Variants in FGD5 observed in about 807,000 individuals in gnomAD.
The protein encoded by FGD5 is FYVE, RhoGEF and PH domain-containing protein 5.
Under a neutral mutation model 133.4 loss-of-function variants are expected in FGD5, and 28 were observed. That is an observed-to-expected ratio of 0.21 (90% CI 0.16 to 0.29). FGD5 has a LOEUF of 0.29. Ranked by LOEUF, FGD5 falls within the 10% of genes least tolerant of loss-of-function variation. The probability of loss-of-function intolerance (pLI) is 1.00; values close to 1 mark genes in which losing one functional copy is unlikely to be tolerated. For synonymous variants in FGD5, 810 were observed against 776.5 expected, an observed-to-expected ratio of 1.04 and a Z score of -0.72; for missense variants, 1,858 against 1,895.2, an observed-to-expected ratio of 0.98 and a Z score of 0.36.
intron 13 of FGD5, among the ~76,000 whole-genome samples, chr3:14,919,831 C>G (rs1421152549): frequency 6.6e-5 from 10 of 152,086 alleles, no homozygotes; most frequent in Admixed American, 5.9e-4. Flanking sequence ...TCTCTGGGGC[C>G]TCTTGTATAA....
chr3:14,922,313 C>A lies in FGD5; in HGVS notation c.3670-98C>A. The A allele has an allele frequency of 6.7e-7, 1 of 1,488,230 alleles. No homozygotes were observed. The allele number at this position is 1,488,230 out of a possible 1,614,324, so 92.2% of individuals were successfully genotyped here. A position where few individuals can be genotyped will look rare whatever the true frequency, so the allele number is the denominator to read the frequency against. On this transcript the variant is annotated intron_variant, in intron 14 of 19. Transcript: ENST00000285046. The surrounding 1 kb of genome is among the most constrained non-coding windows in gnomAD (Gnocchi z 4.1). ...CAGACCCACTCACCCACACATCACA[C>A]ACCCTGCACAGAGACGCAGGGCAGG...
chr3:14,871,733 G>A (rs572188886), intron 2 of FGD5, among the ~76,000 whole-genome samples: 1 of 152,196 alleles, frequency 6.6e-6, no homozygotes, highest in Non-Finnish European at 1.5e-5. Context: ...AAAGGGCTGG[G>A]CAGGTTAGGA....
intron 2 of FGD5, among the ~76,000 whole-genome samples, chr3:14,866,531 CCT>C (rs2037496729): frequency 6.6e-6 from 1 of 152,086 alleles, no homozygotes; most frequent in Admixed American, 6.5e-5. Flanking sequence ...CAGCTTTGTC[CCT>C]TGCTGGCTGA....
chr3:14,839,817 C>T (rs1575199935), intron 1 of FGD5, among the ~76,000 whole-genome samples: 1 of 152,190 alleles, frequency 6.6e-6, no homozygotes, highest in East Asian at 1.9e-4. Flanking sequence ...CCTGTAGTCC[C>T]AGCTACTCAG....
chr3:14,851,888 T>C (rs2037171431), intron 1 of FGD5, among the ~76,000 whole-genome samples: 1 of 150,238 alleles, frequency 6.7e-6, no homozygotes, highest in African/African-American at 2.5e-5. Flanking sequence ...TGAAAATCCT[T>C]ATAAAGCCAC....
intron 16 of FGD5, 129 bp from the exon 17 acceptor site, chr3:14,923,879 T>C: frequency 8.4e-7 from 1 of 1,187,796 alleles, no homozygotes; most frequent in South Asian, 1.5e-5. Context: ...GGAAGAGTGC[T>C]TGACTTTCAG....
At chr3:14,931,642 C>T (rs1212638476) in intron 18 of FGD5, 1 of 152,142 alleles carries the variant, frequency 6.6e-6, no homozygotes, top group Non-Finnish European at 1.5e-5. Flanking sequence ...AATGTCTTTA[C>T]CTATATATAA....
chr3:14,909,325 A>T (rs893009726), intron 10 of FGD5, among the ~76,000 whole-genome samples: 1 of 152,214 alleles, frequency 6.6e-6, no homozygotes, highest in African/African-American at 2.4e-5. Context: ...CACTTTATAC[A>T]ATAAAATAGG....
intron 4 of FGD5, among the ~76,000 whole-genome samples, chr3:14,884,612 A>G (rs1042905382): frequency 6.6e-6 from 1 of 152,202 alleles, no homozygotes; most frequent in Admixed American, 6.5e-5. Context: ...TAAGACAACC[A>G]TGCTGTTATG....
At chr3:14,813,510 GGT>G (rs2036325254) in intron 1 of FGD5, among the ~76,000 whole-genome samples, 2 of 152,226 alleles carry the variant, frequency 1.3e-5, no homozygotes, top group Admixed American at 1.3e-4. Flanking sequence ...TGTAACATAT[GGT>G]TATGAGAGTT....
At chr3:14,907,570 C>A in intron 9 of FGD5, 70 bp from the exon 10 acceptor site, 1 of 1,402,916 alleles carries the variant, frequency 7.1e-7, no homozygotes. Context: ...CAACGCCATG[C>A]CTTACAGAGG....
intron 4 of FGD5, 120 bp downstream of exon 4, chr3:14,880,892 C>A: frequency 7.7e-7 from 1 of 1,300,390 alleles, no homozygotes; most frequent in Non-Finnish European, 1.1e-6. Flanking sequence ...TGGCAGCAGG[C>A]AGGCACTCAC....
chr3:14,864,006 T>G (rs172429), intron 1 of FGD5, 122 bp from the exon 2 acceptor site: 1,122,864 of 1,406,514 alleles, frequency 0.8, 450,057 homozygotes, highest in East Asian at 0.99. Flanking sequence ...GAAGTAGGAA[T>G]TTTGTGCCTG....
chr3:14,835,374 C>T (rs1044086264), intron 1 of FGD5, among the ~76,000 whole-genome samples: 23 of 152,060 alleles, frequency 1.5e-4, no homozygotes, highest in Non-Finnish European at 1.5e-4. Context: ...GTGGTGCATG[C>T]CTGTAGTTCC....
chr3:14,821,989 G>A (rs766234808), intron 1 of FGD5, among the ~76,000 whole-genome samples: 1 of 151,964 alleles, frequency 6.6e-6, no homozygotes, highest in African/African-American at 2.4e-5. Flanking sequence ...AATCCCAGCT[G>A]CTCGGGAGGC....
At chr3:14,928,380 T>C (rs1380112613) in intron 18 of FGD5, among the ~76,000 whole-genome samples, 10 of 152,190 alleles carry the variant, frequency 6.6e-5, no homozygotes, top group Non-Finnish European at 1.5e-4. Context: ...CCTATTTTTT[T>C]CAACATTTTA....
At chr3:14,853,470 C>T (rs1027974695) in intron 1 of FGD5, among the ~76,000 whole-genome samples, 13 of 151,268 alleles carry the variant, frequency 8.6e-5, no homozygotes, top group Non-Finnish European at 1.5e-4. Context: ...GCCCCCTTCC[C>T]CTCCCTGCTG....
At chr3:14,864,806 T>G (rs1188065445) in intron 2 of FGD5, among the ~76,000 whole-genome samples, 1 of 152,148 alleles carries the variant, frequency 6.6e-6, no homozygotes, top group Non-Finnish European at 1.5e-5. Context: ...CCAGACCTCA[T>G]TGCTGGGCAC....
At chr3:14,924,263 C>A in intron 17 of FGD5, 125 bp downstream of exon 17, 1 of 1,413,900 alleles carries the variant, frequency 7.1e-7, no homozygotes, top group Non-Finnish European at 9.7e-7. Context: ...CAGAGCATTC[C>A]TAATGGAAGC....
Sources: gnomAD v4.1 joint callset for allele counts (sites outside exome capture counted in the v4.1 genomes callset) on GRCh38, gnomAD v4.1.1 for gene constraint, Gnocchi (gnomAD v3.1) non-coding constraint, MANE v1.5 for transcripts, NCBI Gene and HGNC (gene_info 2026-07-23, HGNC 2026-07-21) for gene names.